Variants in MTNAP1 observed in about 807,000 individuals in gnomAD.
MTNAP1 encodes the protein mitochondrial nucleoid-associated protein 1.
chr17:73,244,574 A>AAC, the MTNAP1 span: 1 of 151,536 alleles, frequency 6.6e-6, no homozygotes, highest in Non-Finnish European at 1.5e-5. Context: ...AAAAAAAAAA[A>AAC]AAAAAAAAAC....
the MTNAP1 span, among the ~76,000 whole-genome samples, chr17:73,237,435 C>CA: frequency 3.8e-4 from 57 of 148,636 alleles, no homozygotes; most frequent in South Asian, 2.1e-3. Flanking sequence ...GACCCTGTCT[C>CA]AAAAAAAAAA....
the MTNAP1 span, chr17:73,236,766 C>G: frequency 6.2e-7 from 1 of 1,614,020 alleles, no homozygotes; most frequent in Non-Finnish European, 8.5e-7. Flanking sequence ...ACACTGGGTG[C>G]CAGAGCCCTT....
the MTNAP1 span, among the ~76,000 whole-genome samples, chr17:73,238,728 A>G: frequency 6.6e-6 from 1 of 152,132 alleles, no homozygotes; most frequent in African/African-American, 2.4e-5. Flanking sequence ...GGCAGAGTGA[A>G]TTTATCCTAT....
the MTNAP1 span, chr17:73,245,183 G>T: frequency 2.3e-5 from 36 of 1,573,094 alleles, no homozygotes; most frequent in Non-Finnish European, 3.1e-5. Flanking sequence ...CAGCGGTGGC[G>T]TAAGTAGTGT....
At chr17:73,242,143 T>C in the MTNAP1 span, 1 of 676,260 alleles carries the variant, frequency 1.5e-6, no homozygotes, top group East Asian at 2.9e-5. Context: ...GTTTAGAATA[T>C]GCTCTTCCTG....
chr17:73,245,350 T>C, the MTNAP1 span: 1 of 1,375,720 alleles, frequency 7.3e-7, no homozygotes, highest in South Asian at 1.8e-5. Context: ...AAAATAATGA[T>C]ACAGGAAGTA....
At chr17:73,240,837 T>C in the MTNAP1 span, among the ~76,000 whole-genome samples, 4 of 151,002 alleles carry the variant, frequency 2.6e-5, no homozygotes, top group Non-Finnish European at 5.9e-5. Context: ...AGTTGTCTCT[T>C]TACACCGTTT....
At chr17:73,235,772 C>G in the MTNAP1 span, 1 of 1,614,178 alleles carries the variant, frequency 6.2e-7, no homozygotes, top group Non-Finnish European at 8.5e-7. Context: ...CCACTGCCAG[C>G]TGTTGGTTTG....
At chr17:73,244,833 TCGC>T in the MTNAP1 span, 1 of 203,902 alleles carries the variant, frequency 4.9e-6, no homozygotes, top group Non-Finnish European at 9.9e-6. Context: ...TGGGATGGCC[TCGC>T]CGCCATCTCT....
chr17:73,236,152 C>T, the MTNAP1 span: 1 of 1,614,016 alleles, frequency 6.2e-7, no homozygotes, highest in Admixed American at 1.7e-5. Flanking sequence ...ACTAGATGTG[C>T]CTACTGGTGA....
At chr17:73,235,792 GCTA>G in the MTNAP1 span, 1 of 1,614,158 alleles carries the variant, frequency 6.2e-7, no homozygotes, top group Non-Finnish European at 8.5e-7. Flanking sequence ...GGAAAGAGCA[GCTA>G]CTACAAAGGC....
chr17:73,232,640 C>G, the MTNAP1 span: 5 of 217,280 alleles, frequency 2.3e-5, no homozygotes, highest in East Asian at 1.9e-4. Context: ...GTTCCTTGGC[C>G]GGGGGTTGGG....
chr17:73,239,873 T>A, the MTNAP1 span, among the ~76,000 whole-genome samples: 1 of 152,142 alleles, frequency 6.6e-6, no homozygotes. Context: ...AGTGACAGAA[T>A]CAGGATTCAA....
chr17:73,233,191 A>G, the MTNAP1 span: 3 of 152,206 alleles, frequency 2.0e-5, no homozygotes, highest in African/African-American at 7.2e-5. Flanking sequence ...CATGCTGCCA[A>G]GTCACCTGTC....
chr17:73,236,819 A>G, the MTNAP1 span: 15 of 1,613,846 alleles, frequency 9.3e-6, no homozygotes, highest in African/African-American at 2.7e-5. Flanking sequence ...CCCTTCACCA[A>G]TCATGCTGCA....
At chr17:73,240,746 C>T in the MTNAP1 span, among the ~76,000 whole-genome samples, 1 of 152,212 alleles carries the variant, frequency 6.6e-6, no homozygotes, top group Non-Finnish European at 1.5e-5. Flanking sequence ...ACAGTAGGCT[C>T]ACCTGACTGG....
the MTNAP1 span, among the ~76,000 whole-genome samples, chr17:73,238,264 G>A: frequency 5.3e-5 from 2 of 37,704 alleles, no homozygotes; most frequent in Non-Finnish European, 1.4e-4. Context: ...CAGGGTGATT[G>A]TAAAGTAGCA....
At chr17:73,242,003 G>A in the MTNAP1 span, among the ~76,000 whole-genome samples, 1 of 152,162 alleles carries the variant, frequency 6.6e-6, no homozygotes, top group Non-Finnish European at 1.5e-5. Flanking sequence ...GTACTCAGCA[G>A]ACCAAAAAAC....
At chr17:73,237,015 A>G in the MTNAP1 span, 3 of 1,523,278 alleles carry the variant, frequency 2.0e-6, no homozygotes, top group East Asian at 2.3e-5. Flanking sequence ...CTTATTTTCA[A>G]TTGCCATCTG....
Sources: gnomAD v4.1 joint callset for allele counts (sites outside exome capture counted in the v4.1 genomes callset) on GRCh38, gnomAD v4.1.1 for gene constraint, MANE v1.5 for transcripts, NCBI Gene and HGNC (gene_info 2026-07-23, HGNC 2026-07-21) for gene names.